INVS: variants seen among roughly 807,000 people sequenced by gnomAD.
INVS encodes the protein inversin.
In INVS, 86 loss-of-function variants were observed where a neutral mutation model predicts 108.8. The observed-to-expected ratio is 0.79, with a 90% CI of 0.66 to 0.95. The LOEUF (loss-of-function observed/expected upper bound fraction) is 0.95. Among genes scored for constraint, INVS ranks in the 40% least tolerant of loss-of-function variants. The probability of loss-of-function intolerance (pLI) is 0.00; values close to 1 mark genes in which losing one functional copy is unlikely to be tolerated. For synonymous variants in INVS, 455 were observed against 473.5 expected, an observed-to-expected ratio of 0.96 and a Z score of 0.51; for missense variants, 1,169 against 1,297.4, an observed-to-expected ratio of 0.90 and a Z score of 1.52.
intron 3 of INVS, among the ~76,000 whole-genome samples, chr9:100,137,298 T>C (rs1828259235): frequency 6.6e-6 from 1 of 152,162 alleles, no homozygotes; most frequent in South Asian, 2.1e-4. Flanking sequence ...CTTAGGAATA[T>C]AGGGGACCAC....
At chr9:100,133,122 CA>C (rs937231535) in intron 3 of INVS, among the ~76,000 whole-genome samples, 1 of 152,012 alleles carries the variant, frequency 6.6e-6, no homozygotes, top group Non-Finnish European at 1.5e-5. Flanking sequence ...CAAAAACAAA[CA>C]AAAAACAATG....
chr9:100,205,489 G>A (rs986797557), intron 3 of INVS, among the ~76,000 whole-genome samples: 2 of 151,692 alleles, frequency 1.3e-5, no homozygotes, highest in African/African-American at 4.9e-5. Context: ...TCTGTAAACA[G>A]TCAGTTAAAT....
chr9:100,265,609 T>C (rs1832766218), intron 11 of INVS, among the ~76,000 whole-genome samples: 1 of 152,174 alleles, frequency 6.6e-6, no homozygotes. Flanking sequence ...AGATTTCTCT[T>C]GATGAAGAGG....
intron 10 of INVS, among the ~76,000 whole-genome samples, chr9:100,255,390 A>G (rs552417747): frequency 6.6e-6 from 1 of 152,238 alleles, no homozygotes; most frequent in Admixed American, 6.5e-5. Flanking sequence ...TCTTTTCCTA[A>G]TTGAATACCT....
chr9:100,242,443 G>A (rs1831907675), intron 6 of INVS, 127 bp from the exon 7 acceptor site: 2 of 646,520 alleles, frequency 3.1e-6, no homozygotes, highest in East Asian at 5.9e-5. Context: ...ATTGGGGGCT[G>A]CTGTTCAGAA....
At chr9:100,287,378 G>A (rs947870291) in intron 13 of INVS, among the ~76,000 whole-genome samples, 3 of 152,148 alleles carry the variant, frequency 2.0e-5, no homozygotes, top group East Asian at 1.9e-4. Context: ...AAATGATGTC[G>A]AGAAATAGAT....
chr9:100,259,822 T>C, intron 10 of INVS, among the ~76,000 whole-genome samples: 1 of 151,882 alleles, frequency 6.6e-6, no homozygotes. Context: ...AGTGCTGGGA[T>C]TACAGGCATG....
chr9:100,166,014 A>G (rs1229328426), intron 3 of INVS, among the ~76,000 whole-genome samples: 1 of 152,120 alleles, frequency 6.6e-6, no homozygotes, highest in Non-Finnish European at 1.5e-5. Flanking sequence ...CAATAAAAAT[A>G]TTTCATCACT....
chr9:100,294,394 G>T (rs1022284327), intron 14 of INVS, among the ~76,000 whole-genome samples: 1 of 152,184 alleles, frequency 6.6e-6, no homozygotes, highest in Non-Finnish European at 1.5e-5. Flanking sequence ...ACCAGAGACT[G>T]CCTAACCCAG....
intron 3 of INVS, 105 bp from the exon 4 acceptor site, chr9:100,225,957 T>C: frequency 1.3e-6 from 1 of 746,324 alleles, no homozygotes; most frequent in Non-Finnish European, 2.2e-6. Context: ...CTCTGGATGT[T>C]ATTACTCTAG....
intron 3 of INVS, among the ~76,000 whole-genome samples, chr9:100,140,105 G>A (rs1828374685): frequency 6.6e-6 from 1 of 152,038 alleles, no homozygotes; most frequent in Non-Finnish European, 1.5e-5. Context: ...CTAGCCCCTG[G>A]CAACCACCAG....
At chr9:100,291,030 A>C (rs1342382461) in intron 13 of INVS, among the ~76,000 whole-genome samples, 1 of 151,470 alleles carries the variant, frequency 6.6e-6, no homozygotes, top group Non-Finnish European at 1.5e-5. Flanking sequence ...TGTTTCTGAA[A>C]ACACATTATC....
intron 2 of INVS, among the ~76,000 whole-genome samples, chr9:100,107,757 A>G (rs772264045): frequency 4.6e-5 from 7 of 152,138 alleles, no homozygotes; most frequent in Non-Finnish European, 8.8e-5. Context: ...ATCACTGTAT[A>G]TTTATGTGTA....
intron 11 of INVS, among the ~76,000 whole-genome samples, chr9:100,271,293 T>C (rs1050104625): frequency 2.6e-5 from 4 of 152,256 alleles, no homozygotes; most frequent in African/African-American, 9.6e-5. Flanking sequence ...TCATTTGACA[T>C]CCTGGAGATT....
intron 3 of INVS, among the ~76,000 whole-genome samples, chr9:100,161,504 G>T (rs1829186986): frequency 6.6e-6 from 1 of 152,006 alleles, no homozygotes; most frequent in South Asian, 2.1e-4. Context: ...ACTCACGAAA[G>T]GTAGGAAATT....
chr9:100,167,660 T>C (rs13302469), intron 3 of INVS, among the ~76,000 whole-genome samples: 1,650 of 152,358 alleles, frequency 0.011, 16 homozygotes, highest in African/African-American at 0.016. Flanking sequence ...TCTTGCTTAT[T>C]GTCTTTTGCC....
intron 3 of INVS, among the ~76,000 whole-genome samples, chr9:100,140,499 T>C (rs1331836377): frequency 3.3e-5 from 5 of 152,178 alleles, no homozygotes; most frequent in Non-Finnish European, 5.9e-5. Context: ...TGTGGTGGAA[T>C]GTCATCAGTT....
rs1204792319 is a variant in INVS, at chr9:100,117,035, C to G, written c.107-9348C>G. The G allele has an allele frequency of 5.7e-6, 8 of 1,401,678 alleles. No homozygotes were observed. The Admixed American group carries it at 1.5e-4, about 26-fold the overall frequency. 86.8% of individuals were successfully genotyped at this position (1,401,678 alleles called of 1,614,324 possible). A position where few individuals can be genotyped will look rare whatever the true frequency, so the allele number is the denominator to read the frequency against. On this transcript the variant is annotated intron_variant, in intron 2 of 16. Coordinates refer to ENST00000262457, the MANE Select transcript of INVS (RefSeq NM_014425.5). ...AGGCGCCGAGACAATGCCAGTGCCC[C>G]TGGGTGCAGGGATGAGGCACACCAG...
chr9:100,166,859 C>A (rs750457618), intron 3 of INVS, among the ~76,000 whole-genome samples: 102 of 152,090 alleles, frequency 6.7e-4, no homozygotes, highest in Non-Finnish European at 1.1e-3. Flanking sequence ...CTGCTCTTGC[C>A]CCCTGCAGTC....
Sources: gnomAD v4.1 joint callset for allele counts (sites outside exome capture counted in the v4.1 genomes callset) on GRCh38, gnomAD v4.1.1 for gene constraint, MANE v1.5 for transcripts, NCBI Gene and HGNC (gene_info 2026-07-23, HGNC 2026-07-21) for gene names.